FRMD4A: variants seen among roughly 807,000 people sequenced by gnomAD.
FRMD4A encodes the protein FERM domain containing 4A, also known as FERM domain-containing protein 4A.
A neutral mutation model predicts 129.1 loss-of-function variants in FRMD4A; 29 were observed. That is an observed-to-expected ratio of 0.22 (90% confidence interval 0.17 to 0.31). FRMD4A has a LOEUF of 0.31. Among genes scored for constraint, FRMD4A ranks in the 10% least tolerant of loss-of-function variants. The probability of loss-of-function intolerance (pLI) is 1.00; values close to 1 mark genes in which losing one functional copy is unlikely to be tolerated. For synonymous variants in FRMD4A, 634 were observed against 571.6 expected, an observed-to-expected ratio of 1.11 and a Z score of -1.56; for missense variants, 1,272 against 1,375.8, an observed-to-expected ratio of 0.92 and a Z score of 1.19.
intron 2 of FRMD4A, among the ~76,000 whole-genome samples, chr10:13,915,702 G>A (rs1199182169): frequency 2.0e-5 from 3 of 151,662 alleles, no homozygotes; most frequent in Non-Finnish European, 4.4e-5. Context: ...CAGATTTTGT[G>A]GTGACTGCAC....
At chr10:14,289,935 A>G (rs1845799605) in intron 2 of FRMD4A, among the ~76,000 whole-genome samples, 1 of 152,086 alleles carries the variant, frequency 6.6e-6, no homozygotes, top group Non-Finnish European at 1.5e-5. Flanking sequence ...TCAAAATATA[A>G]AAATCAGTTT....
intron 2 of FRMD4A, among the ~76,000 whole-genome samples, chr10:14,194,598 G>C (rs1336266349): frequency 2.0e-5 from 3 of 152,132 alleles, no homozygotes; most frequent in African/African-American, 7.2e-5. Flanking sequence ...GCGACACAGC[G>C]AGACTCTGTC....
chr10:13,687,476 C>T (rs1376127259), intron 15 of FRMD4A, among the ~76,000 whole-genome samples: 1 of 152,110 alleles, frequency 6.6e-6, no homozygotes, highest in African/African-American at 2.4e-5. Flanking sequence ...TTTTTTCTCC[C>T]CTCCAACATT....
At chr10:14,046,137 A>G (rs1215159243) in intron 2 of FRMD4A, among the ~76,000 whole-genome samples, 1 of 152,080 alleles carries the variant, frequency 6.6e-6, no homozygotes, top group Non-Finnish European at 1.5e-5. Flanking sequence ...CATTTTACTA[A>G]TCAAATACAA....
chr10:14,028,450 G>T (rs1833083191), intron 2 of FRMD4A, among the ~76,000 whole-genome samples: 2 of 152,130 alleles, frequency 1.3e-5, no homozygotes, highest in Admixed American at 1.3e-4. Context: ...ACTGACAAAG[G>T]GGGAGAAGAG....
chr10:14,305,433 T>C (rs1402196485), intron 2 of FRMD4A, among the ~76,000 whole-genome samples: 1 of 152,196 alleles, frequency 6.6e-6, no homozygotes, highest in Non-Finnish European at 1.5e-5. Flanking sequence ...TATATTTGTA[T>C]CCCCAGTATA....
At chr10:14,051,375 G>T (rs1027842080) in intron 2 of FRMD4A, among the ~76,000 whole-genome samples, 1 of 152,158 alleles carries the variant, frequency 6.6e-6, no homozygotes, top group Non-Finnish European at 1.5e-5. Context: ...ATTCTTGAGA[G>T]TATCTATGGC....
intron 12 of FRMD4A, among the ~76,000 whole-genome samples, chr10:13,715,944 C>A (rs1019705265): frequency 6.7e-5 from 10 of 149,670 alleles, no homozygotes; most frequent in African/African-American, 2.5e-4. Flanking sequence ...TGATTGTACA[C>A]ATTCCCCTCC....
chr10:14,225,510 A>T (rs991376967), intron 2 of FRMD4A, among the ~76,000 whole-genome samples: 1 of 152,212 alleles, frequency 6.6e-6, no homozygotes, highest in African/African-American at 2.4e-5. Context: ...ACAAAAGGAA[A>T]TTCTTTTAGA....
At chr10:14,275,450 A>G (rs1845304960) in intron 2 of FRMD4A, among the ~76,000 whole-genome samples, 1 of 152,228 alleles carries the variant, frequency 6.6e-6, no homozygotes, top group African/African-American at 2.4e-5. Context: ...TTGTGTTTCC[A>G]TAAGCACCCA....
chr10:13,694,357 C>G (rs568215848), intron 14 of FRMD4A, among the ~76,000 whole-genome samples: 2 of 152,196 alleles, frequency 1.3e-5, no homozygotes, highest in African/African-American at 4.8e-5. Context: ...TTTATTATTC[C>G]CAGCCACAAA....
At chr10:14,032,582 G>A (rs951665253) in intron 2 of FRMD4A, among the ~76,000 whole-genome samples, 5 of 152,208 alleles carry the variant, frequency 3.3e-5, no homozygotes, top group African/African-American at 9.7e-5. Context: ...GTTGCTGCCT[G>A]GGAACTACGT....
chr10:14,211,327 G>C (rs1312432530), intron 2 of FRMD4A, among the ~76,000 whole-genome samples: 1 of 152,170 alleles, frequency 6.6e-6, no homozygotes, highest in East Asian at 1.9e-4. Flanking sequence ...TTGGAAAAGT[G>C]AGGCTGCTTG....
chr10:14,330,358 T>C lies in FRMD4A; in HGVS notation c.-81-175A>G, dbSNP rs117911878. Among the ~76,000 whole-genome samples, 43 of 150,408 alleles carry C rather than the reference T, an allele frequency of 2.9e-4. No individual in the cohort carries two copies. In the East Asian group the frequency reaches 8.4e-3, roughly 29 times the overall value. On this transcript the variant is annotated intron_variant, in intron 1 of 24. Transcript: ENST00000357447. ...TAGGAAGCTGCAGGTTATTTAAAAG[T>C]GAGCCCTCCCTAGCTTCGCAAAGCG...
intron 3 of FRMD4A, among the ~76,000 whole-genome samples, chr10:13,849,719 C>T (rs2094114955): frequency 1.3e-5 from 2 of 150,984 alleles, no homozygotes; most frequent in Admixed American, 6.6e-5. Flanking sequence ...CCTCAGGTGA[C>T]CCACCCGCCT....
intron 2 of FRMD4A, among the ~76,000 whole-genome samples, chr10:14,046,345 G>C (rs1015495105): frequency 2.6e-5 from 4 of 152,054 alleles, no homozygotes; most frequent in African/African-American, 9.7e-5. Flanking sequence ...ATAAAACCTA[G>C]AGCTGAAAGT....
chr10:14,181,142 G>A (rs970308533), intron 2 of FRMD4A, among the ~76,000 whole-genome samples: 1 of 152,138 alleles, frequency 6.6e-6, no homozygotes, highest in African/African-American at 2.4e-5. Context: ...CTCACAGTGG[G>A]AAAAATAAAA....
At chr10:14,325,122 CA>C (rs1843219800) in intron 2 of FRMD4A, among the ~76,000 whole-genome samples, 1 of 152,196 alleles carries the variant, frequency 6.6e-6, no homozygotes, top group South Asian at 2.1e-4. Context: ...CTTTGAAAAA[CA>C]TAGAGATTAT....
At position 13,701,356 on chromosome 10, in the gene FRMD4A, T is replaced by C; in HGVS notation, c.959A>G (p.Asp320Gly). 1 of 1,613,886 alleles carries C rather than the reference T, an allele frequency of 6.2e-7. No individual in the cohort carries two copies. Among genetic ancestry groups the C allele is most frequent in the Non-Finnish European group, 8.5e-7 (1 of 1,179,834 alleles). ...GTCACTCACCTTACTCTGCTTTCTG[T>C]CCAGATAGAACTGGTGTTGGCTTAT... Reference protein sequence around the residue: ...MAISQHQFYLDRKQSKSKIHA... With the variant: ...MAISQHQFYLGRKQSKSKIHA... The change falls in exon 14 of 25, where the codon GAC becomes GGC. Residue 320 changes from aspartate to glycine, a missense_variant. This residue lies in a region of FRMD4A where 300 missense variants were observed against 483.6 expected (regional missense o/e 0.62). Transcript: ENST00000357447.
Sources: allele counts gnomAD v4.1 joint callset (sites outside exome capture counted in the v4.1 genomes callset), GRCh38; gene constraint gnomAD v4.1.1; regional missense constraint gnomAD v4.1.1; transcripts MANE v1.5; gene names NCBI Gene and HGNC (gene_info 2026-07-23, HGNC 2026-07-21).